The following TPMT variants were observed in gnomAD, a reference collection of about 807,000 sequenced individuals.
TPMT encodes the protein thiopurine S-methyltransferase.
Under a neutral mutation model 34.2 loss-of-function variants are expected in TPMT, and 18 were observed. That is an observed-to-expected ratio of 0.53 (90% CI 0.36 to 0.78). The LOEUF is 0.78. Among genes scored for constraint, TPMT ranks in the 30% least tolerant of loss-of-function variants. The pLI is 0.00. For synonymous variants in TPMT, 69 were observed against 92.4 expected (o/e 0.75, Z 1.45); for missense variants, 265 against 288.1 (o/e 0.92, Z 0.58).
Position 18,136,666 on chromosome 6 carries a change from C to T in TPMT, c.494+2297G>A, listed in dbSNP as rs1057035580. On this transcript the variant is annotated intron_variant, in intron 6 of 8. Transcript: ENST00000309983. This position sits in a 1 kb window ranked among gnomAD's most constrained non-coding sequence, Gnocchi z 4.7. ...CTACTAAAAATACAAAAAAATTAGCCGGGTGTGGTGGAGCATGCCTATAAT... is the reference window on the plus strand; with the variant it reads ...CTACTAAAAATACAAAAAAATTAGCTGGGTGTGGTGGAGCATGCCTATAAT... 2.6e-5 allele frequency among the ~76,000 whole-genome samples: 4 copies of T among 152,042 alleles called. No homozygotes were observed. Among genetic ancestry groups the T allele is most frequent in the Non-Finnish European group, 4.4e-5 (3 of 68,018 alleles).
intron 4 of TPMT, among the ~76,000 whole-genome samples, chr6:18,141,226 T>G (rs532169430): frequency 1.5e-4 from 23 of 152,320 alleles, no homozygotes; most frequent in Non-Finnish European, 2.4e-4. Flanking sequence ...GAAGCAGGAC[T>G]AGCCCTTTTT....
chr6:18,134,659 A>G (rs1197847447), intron 6 of TPMT, among the ~76,000 whole-genome samples: 3 of 152,208 alleles, frequency 2.0e-5, no homozygotes, highest in African/African-American at 7.2e-5. Context: ...GACCAATCAG[A>G]TGACTGACTT....
In TPMT at chr6:18,138,878, G is replaced by T; in HGVS notation, c.494+85C>A. The T allele has an allele frequency of 1.8e-6, 2 of 1,129,470 alleles. No homozygotes were observed. Among genetic ancestry groups the T allele is most frequent in the Non-Finnish European group, 1.3e-6 (1 of 754,626 alleles). 70.0% of individuals were successfully genotyped at this position (1,129,470 alleles called of 1,614,324 possible). On this transcript the variant is annotated intron_variant, in intron 6 of 8. Coordinates refer to ENST00000309983, the MANE Select transcript of TPMT (RefSeq NM_000367.5). This position sits in a 1 kb window ranked among gnomAD's most constrained non-coding sequence, Gnocchi z 4.1. ...AATAACCTATTTCAAACTCATAGAA[G>T]TCTAAGCTGATTTTCTAGAACCCAG...
In TPMT at chr6:18,136,382, T is replaced by C. The variant is rs947042073; in HGVS notation, c.495-2493A>G. 5.3e-5 allele frequency among the ~76,000 whole-genome samples: 8 copies of C among 151,980 alleles called. No individual in the cohort carries two copies. Among genetic ancestry groups the C allele is most frequent in the Non-Finnish European group, 1.0e-4 (7 of 68,008 alleles). ...AACAGAGCTGGAAATGTAAAGACTG[T>C]CAGAGCGAATACCATGTATAATCTG... On this transcript the variant is annotated intron_variant, in intron 6 of 8. Transcript: ENST00000309983. The surrounding 1 kb of genome is among the most constrained non-coding windows in gnomAD (Gnocchi z 4.7).
At position 18,138,830 on chromosome 6, in the gene TPMT, A is replaced by C. The variant is rs1401072361; in HGVS notation, c.494+133T>G. 4.0e-6 allele frequency: 3 copies of C among 755,870 alleles called. No individual in the cohort carries two copies. Among genetic ancestry groups the C allele is most frequent in the Non-Finnish European group, 6.6e-6 (3 of 454,494 alleles). The allele number at this position is 755,870 out of a possible 1,614,324, so 46.8% of individuals were successfully genotyped here. On this transcript the variant is annotated intron_variant, in intron 6 of 8. Coordinates refer to ENST00000309983, the MANE Select transcript of TPMT (RefSeq NM_000367.5). This position sits in a 1 kb window ranked among gnomAD's most constrained non-coding sequence, Gnocchi z 4.1. ...TTTAGACAAAGCTAGTATTGGATTT[A>C]GGTTTTTATAAATTCCAAACATAAT...
In TPMT at chr6:18,131,513, C is replaced by G. The variant is rs1005040456; in HGVS notation, c.625+620G>C. On this transcript the variant is annotated intron_variant, in intron 8 of 8. Coordinates refer to ENST00000309983, the MANE Select transcript of TPMT (RefSeq NM_000367.5). The surrounding 1 kb of genome is among the most constrained non-coding windows in gnomAD (Gnocchi z 4.3). ...GAGGATCACTTGTGCCCAGGGAGGT[C>G]GAGGCTGCAGTGAGCTGTGATTGCA... 6.6e-6 allele frequency among the ~76,000 whole-genome samples: 1 copy of G among 151,676 alleles called. No individual in the cohort carries two copies. The highest frequency in any genetic ancestry group is 2.4e-5 in the African/African-American group (1 of 41,294).
chr6:18,137,542 T>C (rs1225819397), intron 6 of TPMT, among the ~76,000 whole-genome samples: 1 of 152,236 alleles, frequency 6.6e-6, no homozygotes, highest in Non-Finnish European at 1.5e-5. Context: ...TGAAAGAGTA[T>C]ACAGATGTGG....
intron 1 of TPMT, among the ~76,000 whole-genome samples, chr6:18,151,931 G>T (rs934057013): frequency 2.4e-4 from 36 of 152,288 alleles, no homozygotes; most frequent in Non-Finnish European, 4.4e-4. Context: ...CACGTTTCCT[G>T]TATACTCCCA....
rs1028492697 is a variant in TPMT at position 18,128,634 on chromosome 6, C to T, written c.*2034G>A. The T allele has an allele frequency of 6.6e-6, 1 of 152,242 alleles. No homozygotes were observed. Among genetic ancestry groups the T allele is most frequent in the African/African-American group, 2.4e-5 (1 of 41,448 alleles). The allele number at this position is 152,242 out of a possible 1,614,324, so 9.4% of individuals were successfully genotyped here. A position where few individuals can be genotyped will look rare whatever the true frequency, so the allele number is the denominator to read the frequency against. ...CAGATCAGCGTTCTGTTTCTCAGAT[C>T]CATGTGCTGGAATGTGGCTGCCCCA... On this transcript the variant is annotated 3_prime_UTR_variant, in exon 9 of 9. Transcript: ENST00000309983. The surrounding 1 kb of genome is among the most constrained non-coding windows in gnomAD (Gnocchi z 4.6).
At position 18,139,652 on chromosome 6, in the gene TPMT, G is replaced by A. The variant is rs745583074; in HGVS notation, c.419+13C>T. ...TCAAATTTTTTAAAGTGCAGATGTA[G>A]TATTCAACCTACCTGGGAAGATCAA... On this transcript the variant is annotated intron_variant, in intron 5 of 8. Coordinates refer to ENST00000309983, the MANE Select transcript of TPMT (RefSeq NM_000367.5). This position sits in a 1 kb window ranked among gnomAD's most constrained non-coding sequence, Gnocchi z 4.2. 1.2e-6 allele frequency: 2 copies of A among 1,609,824 alleles called. No homozygotes were observed. The highest frequency in any genetic ancestry group is 2.2e-5 in the South Asian group (2 of 90,974).
chr6:18,141,798 C>T (rs1272524249), intron 4 of TPMT, among the ~76,000 whole-genome samples: 2 of 152,186 alleles, frequency 1.3e-5, no homozygotes, highest in Non-Finnish European at 2.9e-5. Flanking sequence ...GGAAGGTTTT[C>T]CTCTTAATGA....
chr6:18,137,879 G>A (rs1388493835), intron 6 of TPMT, among the ~76,000 whole-genome samples: 4 of 152,190 alleles, frequency 2.6e-5, no homozygotes, highest in African/African-American at 9.7e-5. Context: ...TCTGCCTCCT[G>A]GGTTCAAGTG....
At position 18,150,249 on chromosome 6, in the gene TPMT, A is replaced by G. The variant is rs771476211; in HGVS notation, c.-44-1078T>C. Reference sequence around the variant, plus strand: ...GATACTGCGAAGAATATACTTGAAGAGATGTGTTAGCTACAGGACCTTCAC... The same window carrying G: ...GATACTGCGAAGAATATACTTGAAGGGATGTGTTAGCTACAGGACCTTCAC... On this transcript the variant is annotated intron_variant, in intron 1 of 8. Transcript: ENST00000309983. The surrounding 1 kb of genome is among the most constrained non-coding windows in gnomAD (Gnocchi z 5.3). Among the ~76,000 whole-genome samples the G allele has an allele frequency of 1.3e-5, 2 of 152,218 alleles. No homozygotes were observed. Among genetic ancestry groups the G allele is most frequent in the African/African-American group, 2.4e-5 (1 of 41,448 alleles).
At position 18,139,645 on chromosome 6, in the gene TPMT, A is replaced by G; in HGVS notation, c.419+20T>C. On this transcript the variant is annotated intron_variant, in intron 5 of 8. Coordinates refer to ENST00000309983, the MANE Select transcript of TPMT (RefSeq NM_000367.5). The surrounding 1 kb of genome is among the most constrained non-coding windows in gnomAD (Gnocchi z 4.2). Reference sequence around the variant, plus strand: ...CAAGCATTCAAATTTTTTAAAGTGCAGATGTAGTATTCAACCTACCTGGGA... The same window carrying G: ...CAAGCATTCAAATTTTTTAAAGTGCGGATGTAGTATTCAACCTACCTGGGA... 6.2e-7 allele frequency: 1 copy of G among 1,606,438 alleles called. No individual in the cohort carries two copies. The highest frequency in any genetic ancestry group is 8.5e-7 in the Non-Finnish European group (1 of 1,173,206).
rs150738453 is a variant in TPMT, at chr6:18,141,913, G to A, written c.366+1683C>T. Reference sequence around the variant, plus strand: ...TGTGCCAATCATGTTCAAAATGGTGGCTCTATCTTCCCTTCTCTGTCAGCC... The same window carrying A: ...TGTGCCAATCATGTTCAAAATGGTGACTCTATCTTCCCTTCTCTGTCAGCC... On this transcript the variant is annotated intron_variant, in intron 4 of 8. Coordinates refer to ENST00000309983, the MANE Select transcript of TPMT (RefSeq NM_000367.5). Among the ~76,000 whole-genome samples, 543 of 152,324 alleles carry A rather than the reference G, an allele frequency of 3.6e-3. 4 individuals carry two copies. Among genetic ancestry groups the A allele is most frequent in the African/African-American group, 0.012 (496 of 41,572 alleles).
chr6:18,134,851 G>A (rs1261508775), intron 6 of TPMT, among the ~76,000 whole-genome samples: 1 of 152,194 alleles, frequency 6.6e-6, no homozygotes, highest in Non-Finnish European at 1.5e-5. Flanking sequence ...CGCATGCAGG[G>A]TGGTAGAGAG....
At position 18,146,053 on chromosome 6, in the gene TPMT, T is replaced by C. The variant is rs923906335; in HGVS notation, c.233+1770A>G. On this transcript the variant is annotated intron_variant, in intron 3 of 8. Coordinates refer to ENST00000309983, the MANE Select transcript of TPMT (RefSeq NM_000367.5). This position sits in a 1 kb window ranked among gnomAD's most constrained non-coding sequence, Gnocchi z 6.2. ...GGCCTTAGCTCATGGTCAGTTTTTC[T>C]ATTCACATCTCATGTCTGTATAGAC... Among the ~76,000 whole-genome samples, 1 of 152,188 alleles carries C rather than the reference T, an allele frequency of 6.6e-6. No homozygotes were observed. Among genetic ancestry groups the C allele is most frequent in the Non-Finnish European group, 1.5e-5 (1 of 68,038 alleles).
rs1561891164 is a variant in TPMT at position 18,145,935 on chromosome 6, A to G, written c.233+1888T>C. On this transcript the variant is annotated intron_variant, in intron 3 of 8. Coordinates refer to ENST00000309983, the MANE Select transcript of TPMT (RefSeq NM_000367.5). This position sits in a 1 kb window ranked among gnomAD's most constrained non-coding sequence, Gnocchi z 5.6. ...GGTTGCAGTGAGCTATGATCATGCC[A>G]CTGCACTCCACCCTGGGTGACAGAG... 6.6e-6 allele frequency among the ~76,000 whole-genome samples: 1 copy of G among 152,160 alleles called. No homozygotes were observed.
In TPMT at chr6:18,146,179, A is replaced by ATG. The variant is rs1784243391; in HGVS notation, c.233+1643_233+1644insCA. On this transcript the variant is annotated intron_variant, in intron 3 of 8. Coordinates refer to ENST00000309983, the MANE Select transcript of TPMT (RefSeq NM_000367.5). This position sits in a 1 kb window ranked among gnomAD's most constrained non-coding sequence, Gnocchi z 6.2. ...AGTAGCTCAGTTCATATATATATAT[A>ATG]CATAAAAATAACTGTATTTACGTAT... 6.6e-6 allele frequency among the ~76,000 whole-genome samples: 1 copy of ATG among 151,728 alleles called. No individual in the cohort carries two copies. The highest frequency in any genetic ancestry group is 6.6e-5 in the Admixed American group (1 of 15,208).
Sources: gnomAD v4.1 joint callset for allele counts (sites outside exome capture counted in the v4.1 genomes callset) on GRCh38, gnomAD v4.1.1 for gene constraint, Gnocchi (gnomAD v3.1) non-coding constraint, MANE v1.5 for transcripts, NCBI Gene and HGNC (gene_info 2026-07-23, HGNC 2026-07-21) for gene names.